PCDHA3: variants seen among roughly 807,000 people sequenced by gnomAD.
PCDHA3 encodes protocadherin alpha 3.
In PCDHA3, 41 loss-of-function variants were observed where a neutral mutation model predicts 62.2. That is an observed-to-expected ratio of 0.66 (90% CI 0.51 to 0.86). The LOEUF is 0.86. PCDHA3 is among the 40% of genes least tolerant of loss of function. The pLI is 0.00. For synonymous variants in PCDHA3, 640 were observed against 555.4 expected, an observed-to-expected ratio of 1.15 and a Z score of -2.14; for missense variants, 1,304 against 1,241.2, an observed-to-expected ratio of 1.05 and a Z score of -0.76.
At chr5:140,804,858 T>G in intron 1 of PCDHA3, 1 of 538,794 alleles carries the variant, frequency 1.9e-6, no homozygotes. Context: ...GTCTAACACG[T>G]AAAATAGATA....
intron 1 of PCDHA3, chr5:140,927,104 C>T (rs1554204027): frequency 6.2e-7 from 1 of 1,613,722 alleles, no homozygotes; most frequent in Admixed American, 1.7e-5. Flanking sequence ...GTGGATCTAC[C>T]CAGCGGCAAT....
At chr5:140,884,120 G>A in intron 1 of PCDHA3, 1 of 1,613,322 alleles carries the variant, frequency 6.2e-7, no homozygotes, top group Non-Finnish European at 8.5e-7. Flanking sequence ...GGCGGTCGGC[G>A]CGCGCATCCC....
intron 3 of PCDHA3, among the ~76,000 whole-genome samples, chr5:140,987,146 G>A (rs942853645): frequency 1.3e-5 from 2 of 151,812 alleles, no homozygotes; most frequent in Non-Finnish European, 2.9e-5. Flanking sequence ...CTCGGGAGGT[G>A]GAGGTTGCAG....
chr5:140,933,772 C>T, intron 1 of PCDHA3, among the ~76,000 whole-genome samples: 1 of 152,176 alleles, frequency 6.6e-6, no homozygotes, highest in African/African-American at 2.4e-5. Flanking sequence ...TCTGTACCTA[C>T]AGTTTTCTTT....
intron 1 of PCDHA3, chr5:140,883,909 C>T: frequency 6.2e-7 from 1 of 1,613,472 alleles, no homozygotes; most frequent in Non-Finnish European, 8.5e-7. Flanking sequence ...CTCTGGGCAG[C>T]AACGTGACGC....
intron 1 of PCDHA3, among the ~76,000 whole-genome samples, chr5:140,961,680 C>T (rs989401730): frequency 3.3e-5 from 5 of 152,040 alleles, no homozygotes; most frequent in African/African-American, 4.8e-5. Flanking sequence ...TTAATTAAGC[C>T]GGAGTAGTCC....
chr5:140,927,974 T>C (rs1554205324), intron 1 of PCDHA3: 3 of 1,614,098 alleles, frequency 1.9e-6, no homozygotes, highest in Non-Finnish European at 2.5e-6. Context: ...GTGATTGCTC[T>C]CTTTAGTGTA....
At chr5:140,872,266 T>C (rs1267974541) in intron 1 of PCDHA3, among the ~76,000 whole-genome samples, 2 of 152,208 alleles carry the variant, frequency 1.3e-5, no homozygotes, top group Non-Finnish European at 2.9e-5. Context: ...GTTTTCATAT[T>C]GTTTGAAGAA....
Position 140,841,491 on chromosome 5 carries a change from C to A in PCDHA3, c.2394+37900C>A, listed in dbSNP as rs2150316592. The stretch of plus-strand genomic sequence containing the variant: ...GCGCAGGACCTGGGGCTGGAGCTGG[C>A]GGAGCTGGTGCCGCGCCTGTTCCGG... On this transcript the variant is annotated intron_variant, in intron 1 of 3. Coordinates refer to ENST00000522353, the MANE Select transcript of PCDHA3 (RefSeq NM_018906.3). 2.8e-5 allele frequency: 45 copies of A among 1,612,948 alleles called. No individual in the cohort carries two copies. Among genetic ancestry groups the A allele is most frequent in the African/African-American group, 1.5e-4 (11 of 74,822 alleles).
chr5:140,876,924 G>A, intron 1 of PCDHA3: 4 of 1,613,824 alleles, frequency 2.5e-6, no homozygotes, highest in Non-Finnish European at 3.4e-6. Flanking sequence ...ACGCGGACGC[G>A]CAGAAGAACG....
intron 1 of PCDHA3, among the ~76,000 whole-genome samples, chr5:140,910,781 A>G (rs1402088509): frequency 3.9e-5 from 6 of 152,220 alleles, no homozygotes; most frequent in Non-Finnish European, 8.8e-5. Flanking sequence ...AAGCTGCAAC[A>G]TTAAATGCAG....
chr5:141,005,659 G>A (rs963015988), intron 3 of PCDHA3, among the ~76,000 whole-genome samples: 2 of 123,926 alleles, frequency 1.6e-5, no homozygotes, highest in South Asian at 2.6e-4. Flanking sequence ...TCGAGATCGC[G>A]CCACTGCACT....
intron 1 of PCDHA3, chr5:140,871,014 C>T (rs1554164974): frequency 1.2e-6 from 2 of 1,613,178 alleles, no homozygotes; most frequent in Admixed American, 1.7e-5. Flanking sequence ...GTGCCCTGGA[C>T]GAGGCAGACT....
chr5:140,993,528 A>T lies in PCDHA3; in HGVS notation c.2542+10965A>T, dbSNP rs78672098. On this transcript the variant is annotated intron_variant, in intron 3 of 3. Transcript: ENST00000522353. ...CACACACGGGGAGAGAGAGACAGAG[A>T]GAGAGAGAGATAGAGAAGTGAAGTA... Among the ~76,000 whole-genome samples the T allele has an allele frequency of 6.6e-5, 10 of 152,092 alleles. No individual in the cohort carries two copies. In the East Asian group the frequency reaches 1.2e-3, roughly 18 times the overall value.
chr5:140,863,231 C>T lies in PCDHA3; in HGVS notation c.2394+59640C>T, dbSNP rs189351986. On this transcript the variant is annotated intron_variant, in intron 1 of 3. Coordinates refer to ENST00000522353, the MANE Select transcript of PCDHA3 (RefSeq NM_018906.3). The stretch of plus-strand genomic sequence containing the variant: ...AGCAGCCAAGCGAGGAAGGTCCCAT[C>T]GCGGGCTTTGGCGGGCGTCGAGGTC... 2.5e-3 allele frequency: 3,078 copies of T among 1,227,642 alleles called. 13 individuals are homozygous for T. Among genetic ancestry groups the T allele is most frequent in the Middle Eastern group, 9.9e-3 (48 of 4,856 alleles). The allele number at this position is 1,227,642 out of a possible 1,614,324, so 76.0% of individuals were successfully genotyped here.
At chr5:140,867,315 G>A (rs2049883099) in intron 1 of PCDHA3, 1 of 151,948 alleles carries the variant, frequency 6.6e-6, no homozygotes. Flanking sequence ...CTGTCATCTG[G>A]TCTAATGTTA....
At chr5:140,869,694 G>T (rs782372405) in intron 1 of PCDHA3, 8 of 1,613,394 alleles carry the variant, frequency 5.0e-6, no homozygotes, top group Non-Finnish European at 6.8e-6. Context: ...TTATTTTAAA[G>T]AAGTCTCTGG....
chr5:140,876,920 A>G (rs782247870), intron 1 of PCDHA3: 1 of 1,613,928 alleles, frequency 6.2e-7, no homozygotes, highest in Non-Finnish European at 8.5e-7. Context: ...TGGGACGCGG[A>G]CGCGCAGAAG....
At chr5:140,976,818 G>A (rs782290955) in intron 1 of PCDHA3, among the ~76,000 whole-genome samples, 5 of 152,208 alleles carry the variant, frequency 3.3e-5, no homozygotes, top group Admixed American at 6.5e-5. Flanking sequence ...ATATGCATGT[G>A]TCTAATGAGC....
Sources: allele counts gnomAD v4.1 joint callset (sites outside exome capture counted in the v4.1 genomes callset), GRCh38; gene constraint gnomAD v4.1.1; transcripts MANE v1.5; gene names NCBI Gene and HGNC (gene_info 2026-07-23, HGNC 2026-07-21).